Variants in LRRC7 observed in about 807,000 individuals in gnomAD.
LRRC7 encodes leucine rich repeat containing 7.
Under a neutral mutation model 175.7 loss-of-function variants are expected in LRRC7, and 23 were observed. The ratio of observed to expected loss-of-function variants is 0.13; its 90% CI spans 0.09 to 0.19. The LOEUF (loss-of-function observed/expected upper bound fraction) is 0.19, where lower values mean the gene tolerates loss of function less well. LRRC7 is among the 10% of genes least tolerant of loss of function. LRRC7 has a pLI of 1.00. For synonymous variants in LRRC7, 685 were observed against 680.9 expected, an observed-to-expected ratio of 1.01 and a Z score of -0.09; for missense variants, 1,354 against 1,904.7, an observed-to-expected ratio of 0.71 and a Z score of 5.38.
chr1:69,975,650 A>G (rs1652739166), intron 8 of LRRC7, among the ~76,000 whole-genome samples: 1 of 152,204 alleles, frequency 6.6e-6, no homozygotes, highest in African/African-American at 2.4e-5. Flanking sequence ...TGATGTATAC[A>G]AAATTCTTGT....
intron 3 of LRRC7, among the ~76,000 whole-genome samples, chr1:69,770,696 C>A (rs1672142598): frequency 6.6e-6 from 1 of 152,084 alleles, no homozygotes; most frequent in Non-Finnish European, 1.5e-5. Flanking sequence ...AATAAAGTTG[C>A]CCCATTTTAA....
At chr1:69,935,752 C>A (rs1647944695) in intron 8 of LRRC7, among the ~76,000 whole-genome samples, 1 of 152,046 alleles carries the variant, frequency 6.6e-6, no homozygotes, top group Admixed American at 6.6e-5. Context: ...ACAATTATTT[C>A]TTTTCAGTCT....
In LRRC7 at chr1:70,131,081, A is replaced by G. The variant is rs1360121854; in HGVS notation, c.*9194A>G. Among the ~76,000 whole-genome samples, 2 of 152,224 alleles carry G rather than the reference A, an allele frequency of 1.3e-5. No homozygotes were observed. Among genetic ancestry groups the G allele is most frequent in the South Asian group, 2.1e-4 (1 of 4,834 alleles). On this transcript the variant is annotated 3_prime_UTR_variant, in exon 27 of 27. Transcript: ENST00000651989. ...ATTATCAAGCCACTGTAAAAGCTAT[A>G]TAATTGATATGATTAACTATTTAGA...
intron 1 of LRRC7, among the ~76,000 whole-genome samples, chr1:69,656,194 T>A (rs1021843147): frequency 1.3e-5 from 2 of 152,036 alleles, no homozygotes; most frequent in Non-Finnish European, 2.9e-5. Context: ...CCCAGTACCA[T>A]AATCACCAAG....
chr1:69,935,742 A>T (rs1647943288), intron 8 of LRRC7, among the ~76,000 whole-genome samples: 1 of 152,116 alleles, frequency 6.6e-6, no homozygotes, highest in African/African-American at 2.4e-5. Flanking sequence ...TGTAGGTACT[A>T]CAATTATTTC....
chr1:69,801,926 A>T (rs1676553854), intron 4 of LRRC7, among the ~76,000 whole-genome samples: 2 of 148,486 alleles, frequency 1.3e-5, no homozygotes, highest in Admixed American at 1.3e-4. Context: ...CTCCATTTTC[A>T]TTCATTTCAA....
In LRRC7 at chr1:69,861,982, T is replaced by C. The variant is rs765212425; in HGVS notation, c.647+23699T>C. Among the ~76,000 whole-genome samples, 7 of 152,180 alleles carry C rather than the reference T, an allele frequency of 4.6e-5. No homozygotes were observed. The South Asian group carries it at 6.2e-4, about 14-fold the overall frequency. On this transcript the variant is annotated intron_variant, in intron 7 of 26. Coordinates refer to ENST00000651989, the MANE Select transcript of LRRC7 (RefSeq NM_001370785.2). Reference sequence around the variant, plus strand: ...GTTTATCAGGTCAAATTACTTATAATTGTGCCTTCTCTGTTGAGATAATTC... The same window carrying C: ...GTTTATCAGGTCAAATTACTTATAACTGTGCCTTCTCTGTTGAGATAATTC...
chr1:69,905,931 C>G (rs1435540372), intron 7 of LRRC7, among the ~76,000 whole-genome samples: 1 of 152,210 alleles, frequency 6.6e-6, no homozygotes, highest in South Asian at 2.1e-4. Context: ...TGTTTCCTGA[C>G]TTTTTAATGA....
intron 2 of LRRC7, among the ~76,000 whole-genome samples, chr1:69,704,351 GCA>G (rs1448105869): frequency 4.6e-5 from 7 of 151,898 alleles, no homozygotes; most frequent in Non-Finnish European, 8.8e-5. Context: ...CATGATATGT[GCA>G]CAGTTTTTAA....
rs946542221 is a variant in LRRC7, at chr1:69,568,391, C to G, written c.-249C>G. On this transcript the variant is annotated 5_prime_UTR_variant, in exon 1 of 27. Coordinates refer to ENST00000651989, the MANE Select transcript of LRRC7 (RefSeq NM_001370785.2). Reference sequence around the variant, plus strand: ...CCCCCGCCGGCGCTTCGGGCTTCCCCTCAGCCGCTTCCCGCGGGAACCTCT... The same window carrying G: ...CCCCCGCCGGCGCTTCGGGCTTCCCGTCAGCCGCTTCCCGCGGGAACCTCT... The G allele has an allele frequency of 4.8e-6, 1 of 209,626 alleles. No homozygotes were observed. The highest frequency in any genetic ancestry group is 5.7e-5 in the South Asian group (1 of 17,462). The allele number at this position is 209,626 out of a possible 1,614,324, so 13.0% of individuals were successfully genotyped here.
chr1:69,722,122 T>C (rs1417448), intron 2 of LRRC7, among the ~76,000 whole-genome samples: 10,906 of 145,956 alleles, frequency 0.075, 469 homozygotes, highest in African/African-American at 0.13. Context: ...TTTTCACATA[T>C]GTAAGCCTAT....
chr1:69,921,198 GT>G (rs11290359), intron 7 of LRRC7, among the ~76,000 whole-genome samples: 84,296 of 151,890 alleles, frequency 0.55, 23,455 homozygotes, highest in East Asian at 0.7. Flanking sequence ...TAAACTCCAA[GT>G]TAAGTCATGC....
At chr1:69,568,673 G>A (rs1415648672) in intron 1 of LRRC7, 32 bp downstream of exon 1, 22 of 1,295,636 alleles carry the variant, frequency 1.7e-5, no homozygotes, top group Non-Finnish European at 2.2e-5. Context: ...CGTGGCGGAG[G>A]GTGCTGCGGG....
chr1:69,808,045 G>A (rs573905062), intron 4 of LRRC7, among the ~76,000 whole-genome samples: 1 of 151,364 alleles, frequency 6.6e-6, no homozygotes, highest in Non-Finnish European at 1.5e-5. Flanking sequence ...ACTTCATTAA[G>A]TCGATCTTCA....
Position 69,665,379 on chromosome 1 carries a change from G to A in LRRC7, c.3-13002G>A, listed in dbSNP as rs560252296. Among the ~76,000 whole-genome samples, 267 of 152,162 alleles carry A rather than the reference G, an allele frequency of 1.8e-3. 1 individual carries two copies. The highest frequency in any genetic ancestry group is 6.1e-3 in the African/African-American group (255 of 41,530). ...TTTTGATAAGGATTGCCTTAAATTT[G>A]TAGATTGCTTTGAGTAGTATGGACA... On this transcript the variant is annotated intron_variant, in intron 1 of 26. Coordinates refer to ENST00000651989, the MANE Select transcript of LRRC7 (RefSeq NM_001370785.2).
intron 22 of LRRC7, among the ~76,000 whole-genome samples, chr1:70,052,136 T>A (rs923632227): frequency 6.6e-6 from 1 of 151,740 alleles, no homozygotes; most frequent in African/African-American, 2.4e-5. Flanking sequence ...AACCAAGCAG[T>A]ACTTGTGTAT....
chr1:70,100,785 T>C (rs541984957), intron 25 of LRRC7, among the ~76,000 whole-genome samples: 1 of 152,202 alleles, frequency 6.6e-6, no homozygotes, highest in South Asian at 2.1e-4. Context: ...TTTCTCCCTC[T>C]TTCTCTCTTC....
chr1:70,059,101 A>G (rs1011678223), intron 23 of LRRC7, among the ~76,000 whole-genome samples: 2 of 152,208 alleles, frequency 1.3e-5, no homozygotes, highest in Admixed American at 1.3e-4. Context: ...ATAAAATCCT[A>G]GCATTTTAAA....
chr1:69,907,982 A>G (rs574503276), intron 7 of LRRC7, among the ~76,000 whole-genome samples: 22 of 152,236 alleles, frequency 1.4e-4, no homozygotes, highest in Admixed American at 1.0e-3. Flanking sequence ...TTCCTGGTTT[A>G]GTCTTGGGAG....
Sources: allele counts gnomAD v4.1 joint callset (sites outside exome capture counted in the v4.1 genomes callset), GRCh38; gene constraint gnomAD v4.1.1; transcripts MANE v1.5; gene names NCBI Gene and HGNC (gene_info 2026-07-23, HGNC 2026-07-21).